NOTCH2NLA: variants seen among roughly 807,000 people sequenced by gnomAD.
The protein encoded by NOTCH2NLA is notch 2 N-terminal like A.
chr1:146,159,135 A>C (rs1661323216), intron 3 of NOTCH2NLA, among the ~76,000 whole-genome samples: 1 of 152,042 alleles, frequency 6.6e-6, no homozygotes, highest in South Asian at 2.1e-4. Context: ...AGGTGGGCAG[A>C]TCACTTGTGG....
At chr1:146,186,556 G>A (rs1403737907) in intron 2 of NOTCH2NLA, among the ~76,000 whole-genome samples, 7 of 134,554 alleles carry the variant, frequency 5.2e-5, no homozygotes, top group East Asian at 2.1e-4. Flanking sequence ...GGATTTCACC[G>A]TGTTAGCCAG....
At chr1:146,174,629 A>T (rs1417359481) in intron 2 of NOTCH2NLA, among the ~76,000 whole-genome samples, 1 of 142,474 alleles carries the variant, frequency 7.0e-6, no homozygotes, top group Non-Finnish European at 1.6e-5. Context: ...TCCTCATTAA[A>T]GCTCCTCTTT....
chr1:146,228,848 C>G lies in NOTCH2NLA; in HGVS notation c.-184G>C. On this transcript the variant is annotated 5_prime_UTR_variant, in exon 1 of 5. Coordinates refer to ENST00000362074, the Ensembl canonical transcript of NOTCH2NLA. Reference sequence around the variant, plus strand: ...GGGCAGATCCACATGGGGAGGGGGTCCCGATAGAGGAGCCCCACTCTCTCC... The same window carrying G: ...GGGCAGATCCACATGGGGAGGGGGTGCCGATAGAGGAGCCCCACTCTCTCC... 5 of 1,500,594 alleles carry G rather than the reference C, an allele frequency of 3.3e-6. 1 individual carries two copies. The highest frequency in any genetic ancestry group is 4.4e-6 in the Non-Finnish European group (5 of 1,134,790). The allele number at this position is 1,500,594 out of a possible 1,614,324, so 93.0% of individuals were successfully genotyped here. A position where few individuals can be genotyped will look rare whatever the true frequency, so the allele number is the denominator to read the frequency against.
At chr1:146,178,989 G>GT (rs1662402778) in intron 2 of NOTCH2NLA, among the ~76,000 whole-genome samples, 1 of 87,054 alleles carries the variant, frequency 1.1e-5, no homozygotes, top group East Asian at 2.5e-4. Context: ...GAAACAAGCA[G>GT]TAAAGGACCT....
At chr1:146,180,243 T>C (rs1349319687) in intron 2 of NOTCH2NLA, among the ~76,000 whole-genome samples, 2 of 142,980 alleles carry the variant, frequency 1.4e-5, no homozygotes, top group African/African-American at 2.4e-5. Context: ...GATTATTTTC[T>C]TATTAACACC....
chr1:146,200,438 A>AATATATAT (rs1553813674), intron 1 of NOTCH2NLA, among the ~76,000 whole-genome samples: 1 of 19,846 alleles, frequency 5.0e-5, no homozygotes, highest in Admixed American at 6.3e-4. Flanking sequence ...AAAAAAAAAA[A>AATATATAT]ATATATATAT....
chr1:146,153,998 C>T (rs1661016837), downstream of NOTCH2NLA: 1 of 129,376 alleles, frequency 7.7e-6, no homozygotes, highest in Admixed American at 8.1e-5. Context: ...AACATCTGCA[C>T]AACGCCATAC....
intron 1 of NOTCH2NLA, among the ~76,000 whole-genome samples, chr1:146,226,087 C>A: frequency 1.6e-5 from 2 of 122,828 alleles, no homozygotes; most frequent in Non-Finnish European, 1.7e-5. Context: ...GCAGAGAGAT[C>A]CCAAGAAGTT....
At chr1:146,206,816 AGG>A (rs1663612653) in intron 1 of NOTCH2NLA, among the ~76,000 whole-genome samples, 1 of 52,530 alleles carries the variant, frequency 1.9e-5, no homozygotes, top group African/African-American at 9.2e-5. Flanking sequence ...AGGCTGAGGC[AGG>A]TGGATCATTT....
intron 1 of NOTCH2NLA, among the ~76,000 whole-genome samples, chr1:146,211,358 TCACAGTTCC>T (rs1379260685): frequency 3.4e-5 from 1 of 29,098 alleles, no homozygotes; most frequent in Non-Finnish European, 9.4e-5. Flanking sequence ...AATGTATCAG[TCACAGTTCC>T]CACAGACTCT....
intron 2 of NOTCH2NLA, among the ~76,000 whole-genome samples, chr1:146,187,531 T>G (rs1429507352): frequency 6.6e-5 from 9 of 135,998 alleles, no homozygotes; most frequent in Non-Finnish European, 1.4e-4. Context: ...TGACGGTATC[T>G]ACTTAGCACC....
At chr1:146,219,697 C>A (rs1664012658) in intron 1 of NOTCH2NLA, among the ~76,000 whole-genome samples, 1 of 93,258 alleles carries the variant, frequency 1.1e-5, no homozygotes, top group Non-Finnish European at 2.0e-5. Context: ...ATATTTACCA[C>A]TTATCAAATG....
chr1:146,228,602 G>A (rs1664331286), intron 1 of NOTCH2NLA, 107 bp downstream of exon 1: 1 of 1,400,296 alleles, frequency 7.1e-7, no homozygotes, highest in African/African-American at 1.5e-5. Context: ...CTCCGCGCCG[G>A]CGGCCGAGCC....
intron 2 of NOTCH2NLA, among the ~76,000 whole-genome samples, chr1:146,180,690 C>G (rs1195130157): frequency 1.4e-5 from 2 of 142,952 alleles, no homozygotes; most frequent in Admixed American, 7.1e-5. Flanking sequence ...CGTGTGCATA[C>G]ACACATATGA....
intron 2 of NOTCH2NLA, among the ~76,000 whole-genome samples, chr1:146,186,417 C>CA (rs1300887109): frequency 6.3e-5 from 9 of 141,988 alleles, no homozygotes; most frequent in African/African-American, 2.2e-4. Context: ...TGCAGTGGTG[C>CA]AATCTTGGCT....
Position 146,185,547 on chromosome 1 carries a change from C to G in NOTCH2NLA, c.38+3753G>C, listed in dbSNP as rs587668691. 1.2e-4 allele frequency among the ~76,000 whole-genome samples: 16 copies of G among 136,452 alleles called. 2 individuals are homozygous for G. In the South Asian group the frequency reaches 2.5e-3, roughly 22 times the overall value. 89.5% of individuals were successfully genotyped at this position (136,452 alleles called of 152,430 possible). A position where few individuals can be genotyped will look rare whatever the true frequency, so the allele number is the denominator to read the frequency against. On this transcript the variant is annotated intron_variant, in intron 2 of 4. Transcript: ENST00000362074. ...CTAACACTGAGAAAAAACAGTTGAGCTGAGTACAAAACTAATCTTCAAAAG... is the reference window on the plus strand; with the variant it reads ...CTAACACTGAGAAAAAACAGTTGAGGTGAGTACAAAACTAATCTTCAAAAG...
At chr1:146,176,569 TTG>T (rs1412792735) in intron 2 of NOTCH2NLA, among the ~76,000 whole-genome samples, 1 of 135,854 alleles carries the variant, frequency 7.4e-6, no homozygotes, top group African/African-American at 2.5e-5. Flanking sequence ...CACTGAGAAA[TTG>T]TTTCATCTCA....
chr1:146,174,769 G>T (rs587690021), intron 2 of NOTCH2NLA, among the ~76,000 whole-genome samples: 8 of 142,484 alleles, frequency 5.6e-5, no homozygotes, highest in Admixed American at 5.1e-4. Context: ...GAGCTCTAGA[G>T]GGGGGAGCTG....
At chr1:146,180,665 A>G (rs1662504872) in intron 2 of NOTCH2NLA, among the ~76,000 whole-genome samples, 1 of 143,390 alleles carries the variant, frequency 7.0e-6, no homozygotes. Flanking sequence ...TGCATAACAC[A>G]GTCGCATGTG....
Sources: gnomAD v4.1 joint callset for allele counts (sites outside exome capture counted in the v4.1 genomes callset) on GRCh38, gnomAD v4.1.1 for gene constraint, MANE v1.5 for transcripts, NCBI Gene and HGNC (gene_info 2026-07-23, HGNC 2026-07-21) for gene names.